The following RLN2 variants were observed in gnomAD, a reference collection of about 807,000 sequenced individuals.
The protein encoded by RLN2 is prorelaxin H2.
Under a neutral mutation model 7.3 loss-of-function variants are expected in RLN2, and 10 were observed. The ratio of observed to expected loss-of-function variants is 1.36; its 90% CI spans 0.84 to 2.31. The LOEUF (loss-of-function observed/expected upper bound fraction) is 2.31, where lower values mean the gene tolerates loss of function less well. Ranked by LOEUF, RLN2 falls within the 30% of genes most tolerant of loss-of-function variation. The pLI is 0.00. For missense variants in RLN2, 298 were observed against 217.6 expected, an observed-to-expected ratio of 1.37 and a Z score of -2.32; for synonymous variants, 103 against 82.3, an observed-to-expected ratio of 1.25 and a Z score of -1.36.
intron 1 of RLN2, among the ~76,000 whole-genome samples, chr9:5,300,940 A>C (rs1353842857): frequency 6.6e-6 from 1 of 152,206 alleles, no homozygotes; most frequent in Non-Finnish European, 1.5e-5. Context: ...TGGAGGATAA[A>C]GTTAAAGAGG....
the RLN2 span, among the ~76,000 whole-genome samples, chr9:5,332,654 C>T: frequency 6.6e-6 from 1 of 150,720 alleles, no homozygotes; most frequent in Non-Finnish European, 1.5e-5. Flanking sequence ...CAGTGTTTCA[C>T]TCTTGATGCC....
the RLN2 span, among the ~76,000 whole-genome samples, chr9:5,317,253 A>G: frequency 1.3e-5 from 2 of 151,998 alleles, no homozygotes; most frequent in African/African-American, 4.8e-5. Context: ...AAATTCTCCA[A>G]TCAAAATACA....
the RLN2 span, among the ~76,000 whole-genome samples, chr9:5,335,777 A>G: frequency 2.6e-5 from 4 of 152,018 alleles, no homozygotes; most frequent in Non-Finnish European, 5.9e-5. Context: ...TGGACACCTT[A>G]AAGTACCATA....
chr9:5,311,824 TTTTC>T, the RLN2 span: 18 of 621,336 alleles, frequency 2.9e-5, no homozygotes, highest in South Asian at 9.4e-5. Flanking sequence ...TTAGTATTTT[TTTTC>T]TTTTTTTTTT....
upstream of RLN2, among the ~76,000 whole-genome samples, chr9:5,305,905 A>C (rs1816238997): frequency 6.6e-6 from 1 of 151,992 alleles, no homozygotes; most frequent in Non-Finnish European, 1.5e-5. Context: ...GACCAAGACT[A>C]TGAGATGGTC....
the RLN2 span, among the ~76,000 whole-genome samples, chr9:5,317,992 CTA>C: frequency 1.4e-5 from 1 of 71,532 alleles, no homozygotes; most frequent in Non-Finnish European, 2.8e-5. Context: ...TTTAACAAAA[CTA>C]TGTGTGTGTG....
chr9:5,313,533 T>C, the RLN2 span, among the ~76,000 whole-genome samples: 3 of 152,026 alleles, frequency 2.0e-5, no homozygotes, highest in Non-Finnish European at 2.9e-5. Context: ...TGACTCTATG[T>C]CTTAAAAACT....
intron 1 of RLN2, among the ~76,000 whole-genome samples, chr9:5,300,781 A>G (rs1816105611): frequency 1.3e-5 from 2 of 152,274 alleles, no homozygotes; most frequent in African/African-American, 4.8e-5. Flanking sequence ...AAACAGTTTG[A>G]CCACAGCTAG....
the RLN2 span, chr9:5,311,541 C>A: frequency 1.4e-6 from 1 of 739,926 alleles, no homozygotes; most frequent in Non-Finnish European, 2.5e-6. Flanking sequence ...ACTAAACCTG[C>A]TCCTCCAAAG....
the RLN2 span, among the ~76,000 whole-genome samples, chr9:5,310,623 A>T: frequency 6.6e-6 from 1 of 152,012 alleles, no homozygotes; most frequent in African/African-American, 2.4e-5. Context: ...CATATCAGTT[A>T]TAACTCTTTT....
At chr9:5,335,488 T>C in the RLN2 span, 12 of 1,613,250 alleles carry the variant, frequency 7.4e-6, no homozygotes, top group African/African-American at 9.4e-5. Context: ...CTGGTAATGA[T>C]GGTTGCCTCT....
At chr9:5,317,368 C>T in the RLN2 span, among the ~76,000 whole-genome samples, 2 of 151,144 alleles carry the variant, frequency 1.3e-5, no homozygotes, top group African/African-American at 2.4e-5. Flanking sequence ...AGGAGAATTG[C>T]TTGAACCCAG....
chr9:5,304,783 C>G (rs906940565), upstream of RLN2: 12 of 601,140 alleles, frequency 2.0e-5, no homozygotes, highest in Admixed American at 3.0e-5. Flanking sequence ...CCACACCCCT[C>G]CACAGAATTT....
chr9:5,335,677 A>T, the RLN2 span: 1 of 834,378 alleles, frequency 1.2e-6, no homozygotes, highest in Non-Finnish European at 1.9e-6. Flanking sequence ...ATGTTTGCAT[A>T]CACAAAGAAA....
At chr9:5,325,406 G>T in the RLN2 span, among the ~76,000 whole-genome samples, 1 of 152,178 alleles carries the variant, frequency 6.6e-6, no homozygotes, top group African/African-American at 2.4e-5. Flanking sequence ...TTAAAACTTT[G>T]TCTAACACTA....
At position 5,300,093 on chromosome 9, in the gene RLN2, T is replaced by A. The variant is rs143151061; in HGVS notation, c.*5A>T. 6.2e-4 allele frequency: 978 copies of A among 1,569,670 alleles called. 14 individuals carry two copies. In the East Asian group the frequency reaches 0.019, roughly 31 times the overall value. On this transcript the variant is annotated 3_prime_UTR_variant, in exon 2 of 2. Coordinates refer to ENST00000381627, the MANE Select transcript of RLN2 (RefSeq NM_134441.3). The stretch of plus-strand genomic sequence containing the variant: ...TTATACGAGATGTGCACAATTAGCT[T>A]CATCTCAGCAAAATCTAGCAAGAGA...
chr9:5,330,236 G>C, the RLN2 span, among the ~76,000 whole-genome samples: 85 of 152,130 alleles, frequency 5.6e-4, 2 homozygotes, highest in African/African-American at 2.0e-3. Flanking sequence ...CAATGTACCA[G>C]AATCTCTGGG....
At chr9:5,306,780 T>G (rs925051955), upstream of RLN2, among the ~76,000 whole-genome samples, 7 of 152,020 alleles carry the variant, frequency 4.6e-5, no homozygotes, top group Admixed American at 4.6e-4. Flanking sequence ...GTAGTTCATC[T>G]GAATAGTGAA....
At chr9:5,332,547 G>A in the RLN2 span, among the ~76,000 whole-genome samples, 1 of 151,532 alleles carries the variant, frequency 6.6e-6, no homozygotes, top group Non-Finnish European at 1.5e-5. Context: ...TAAACAGACA[G>A]CAGATTGGAA....
Sources: allele counts gnomAD v4.1 joint callset (sites outside exome capture counted in the v4.1 genomes callset), GRCh38; gene constraint gnomAD v4.1.1; transcripts MANE v1.5; gene names NCBI Gene and HGNC (gene_info 2026-07-23, HGNC 2026-07-21).